The following TNR variants were observed in gnomAD, a reference collection of about 807,000 sequenced individuals.
The protein encoded by TNR is tenascin-R.
Under a neutral mutation model 150.4 loss-of-function variants are expected in TNR, and 45 were observed. That is an observed-to-expected ratio of 0.30 (90% CI 0.24 to 0.38). The LOEUF (loss-of-function observed/expected upper bound fraction) is 0.38, where lower values mean the gene tolerates loss of function less well. TNR is among the 10% of genes least tolerant of loss of function. TNR has a pLI of 1.00. For missense variants in TNR, 1,544 were observed against 1,759.1 expected (o/e 0.88, Z 2.19); for synonymous variants, 687 against 678.4 (o/e 1.01, Z -0.20).
intron 1 of TNR, among the ~76,000 whole-genome samples, chr1:175,680,222 G>A (rs950233590): frequency 5.3e-5 from 8 of 152,192 alleles, no homozygotes; most frequent in African/African-American, 1.9e-4. Context: ...TGGTTCCTGA[G>A]TTCATTGTTA....
At chr1:175,333,933 C>T (rs770754295) in intron 20 of TNR, among the ~76,000 whole-genome samples, 9 of 152,042 alleles carry the variant, frequency 5.9e-5, no homozygotes, top group Non-Finnish European at 1.2e-4. Context: ...GAGGAAGCAT[C>T]GGGGGTTTTG....
At chr1:175,662,977 G>T (rs1211491051) in intron 1 of TNR, among the ~76,000 whole-genome samples, 2 of 152,194 alleles carry the variant, frequency 1.3e-5, no homozygotes, top group Non-Finnish European at 2.9e-5. Flanking sequence ...TCTGTGAAAT[G>T]GGTTTAATGT....
chr1:175,331,058 T>TTTCTTTCTTTCC (rs1491379776), intron 20 of TNR, among the ~76,000 whole-genome samples: 13 of 116,266 alleles, frequency 1.1e-4, no homozygotes, highest in African/African-American at 4.4e-4. Flanking sequence ...TCTTTCTTTC[T>TTTCTTTCTTTCC]TTCTTTCTTT....
chr1:175,470,091 GAGATGGGGGTACAC>G (rs1458276655), intron 2 of TNR, among the ~76,000 whole-genome samples: 1 of 152,126 alleles, frequency 6.6e-6, no homozygotes, highest in Admixed American at 6.5e-5. Context: ...AAAGTGTGGA[GAGATGGGGGTACAC>G]AGAAGGAGTT....
At chr1:175,323,576 G>A in intron 22 of TNR, 100 bp from the exon 23 acceptor site, 1 of 1,511,038 alleles carries the variant, frequency 6.6e-7, no homozygotes, top group Admixed American at 2.0e-5. Context: ...CACAATGTGG[G>A]GTTAGCTATT....
intron 2 of TNR, among the ~76,000 whole-genome samples, chr1:175,432,202 C>A (rs961197567): frequency 3.9e-5 from 6 of 152,194 alleles, no homozygotes; most frequent in Admixed American, 6.5e-5. Context: ...GCAACATCGA[C>A]CCTTGAGATG....
intron 1 of TNR, among the ~76,000 whole-genome samples, chr1:175,637,324 C>A (rs752413564): frequency 2.6e-5 from 4 of 152,208 alleles, no homozygotes; most frequent in Non-Finnish European, 4.4e-5. Context: ...TTCAGGGATC[C>A]ATAATAATGA....
At chr1:175,501,155 A>G (rs115276738) in intron 2 of TNR, among the ~76,000 whole-genome samples, 1,706 of 152,308 alleles carry the variant, frequency 0.011, 28 homozygotes, top group African/African-American at 0.039. Flanking sequence ...AAGGGGCTCT[A>G]TCCTAGGTAA....
rs772196864 is a variant in TNR at position 175,386,022 on chromosome 1, G to A, written c.1777+10C>T. ...CCTCCTTGTGCGTCTCTCCCCCACC[G>A]CAGCCTTACCTGTTGTGAACTGAGT... On this transcript the variant is annotated intron_variant, in intron 8 of 22. Transcript: ENST00000367674. 8.4e-6 allele frequency: 13 copies of A among 1,555,204 alleles called. No homozygotes were observed. Among genetic ancestry groups the A allele is most frequent in the South Asian group, 1.2e-5 (1 of 84,306 alleles).
chr1:175,329,999 C>A, intron 21 of TNR, 75 bp downstream of exon 21: 1 of 1,385,732 alleles, frequency 7.2e-7, no homozygotes, highest in Non-Finnish European at 9.5e-7. Context: ...CTTCCTGAGG[C>A]AGCTTACGCC....
At chr1:175,436,364 T>C (rs1655508203) in intron 2 of TNR, among the ~76,000 whole-genome samples, 2 of 152,228 alleles carry the variant, frequency 1.3e-5, no homozygotes, top group African/African-American at 4.8e-5. Flanking sequence ...TCTAAACTTC[T>C]CTTCTTGCTT....
At chr1:175,345,275 C>T (rs1177124725) in intron 18 of TNR, among the ~76,000 whole-genome samples, 3 of 152,136 alleles carry the variant, frequency 2.0e-5, no homozygotes, top group Non-Finnish European at 2.9e-5. Context: ...TGTCTGTGGC[C>T]TTTTTCTAAT....
intron 2 of TNR, among the ~76,000 whole-genome samples, chr1:175,524,041 G>A (rs1659752796): frequency 1.3e-5 from 2 of 152,038 alleles, no homozygotes; most frequent in South Asian, 4.2e-4. Flanking sequence ...CCCATTTGCT[G>A]GAGAACTCCT....
intron 4 of TNR, among the ~76,000 whole-genome samples, chr1:175,401,776 T>C (rs1334033310): frequency 1.3e-5 from 2 of 152,214 alleles, no homozygotes; most frequent in African/African-American, 2.4e-5. Flanking sequence ...CTTAAACTGA[T>C]GTCACATGAC....
intron 4 of TNR, among the ~76,000 whole-genome samples, chr1:175,400,725 C>A (rs1653668309): frequency 6.6e-6 from 1 of 152,126 alleles, no homozygotes; most frequent in South Asian, 2.1e-4. Context: ...CCTTCCTAAC[C>A]CTTCTCTCTC....
At position 175,595,343 on chromosome 1, in the gene TNR, G is replaced by A. The variant is rs1662967207; in HGVS notation, c.-164-66974C>T. ...ACCAACTCCTTTCTTTTCCAAATAAGATGCAAAAGCAACTACTAAAGGAGC... is the reference window on the plus strand; with the variant it reads ...ACCAACTCCTTTCTTTTCCAAATAAAATGCAAAAGCAACTACTAAAGGAGC... On this transcript the variant is annotated intron_variant, in intron 1 of 22. Coordinates refer to ENST00000367674, the MANE Select transcript of TNR (RefSeq NM_003285.3). 2.0e-5 allele frequency among the ~76,000 whole-genome samples: 3 copies of A among 152,240 alleles called. 1 individual carries two copies. The South Asian group carries it at 6.2e-4, about 32-fold the overall frequency.
At chr1:175,686,772 T>C (rs915663466) in intron 1 of TNR, among the ~76,000 whole-genome samples, 25 of 152,180 alleles carry the variant, frequency 1.6e-4, no homozygotes, top group African/African-American at 5.3e-4. Flanking sequence ...TTATTTCACT[T>C]AGGATAATGA....
At chr1:175,375,758 A>G (rs931881864) in intron 9 of TNR, among the ~76,000 whole-genome samples, 2 of 152,178 alleles carry the variant, frequency 1.3e-5, no homozygotes, top group Non-Finnish European at 2.9e-5. Context: ...TGCCCAGCAA[A>G]GGCCAGGCTG....
At chr1:175,563,127 C>T (rs1571612055) in intron 1 of TNR, among the ~76,000 whole-genome samples, 3 of 152,190 alleles carry the variant, frequency 2.0e-5, no homozygotes, top group African/African-American at 7.2e-5. Flanking sequence ...TGGCACGGGC[C>T]TGAAATACAT....
Sources: gnomAD v4.1 joint callset for allele counts (sites outside exome capture counted in the v4.1 genomes callset) on GRCh38, gnomAD v4.1.1 for gene constraint, MANE v1.5 for transcripts, NCBI Gene and HGNC (gene_info 2026-07-23, HGNC 2026-07-21) for gene names.